The following IL6R variants were observed in gnomAD, a reference collection of about 807,000 sequenced individuals.
The protein encoded by IL6R is interleukin 6 receptor, also known as interleukin-6 receptor subunit alpha.
IL6R carries 38 observed loss-of-function variants against 48.3 expected under a neutral mutation model. That is an observed-to-expected ratio of 0.79 (90% confidence interval 0.61 to 1.03). The LOEUF (loss-of-function observed/expected upper bound fraction) is 1.03, where lower values mean the gene tolerates loss of function less well. Among genes scored for constraint, IL6R ranks in the 50% least tolerant of loss-of-function variants. The pLI is 0.00. For synonymous variants in IL6R, 264 were observed against 256.2 expected (o/e 1.03, Z -0.29); for missense variants, 534 against 618.3 (o/e 0.86, Z 1.45).
intron 8 of IL6R, among the ~76,000 whole-genome samples, chr1:154,452,367 A>G (rs564462311): frequency 6.6e-6 from 1 of 152,114 alleles, no homozygotes; most frequent in South Asian, 2.1e-4. Context: ...CCCCAGCCAC[A>G]CTGCCCTCCT....
chr1:154,428,447 GCCATGAATA>G (rs1330204075), intron 1 of IL6R, among the ~76,000 whole-genome samples: 2 of 152,208 alleles, frequency 1.3e-5, no homozygotes, highest in African/African-American at 4.8e-5. Context: ...CGGGCATTCT[GCCATGAATA>G]CCCTGCGATT....
intron 6 of IL6R, among the ~76,000 whole-genome samples, chr1:154,445,643 A>G (rs1351730823): frequency 2.6e-5 from 4 of 151,872 alleles, no homozygotes; most frequent in Admixed American, 6.6e-5. Flanking sequence ...CCAGCTACTC[A>G]GGAGGCTGAG....
intron 9 of IL6R, among the ~76,000 whole-genome samples, chr1:154,457,993 G>C (rs1012896384): frequency 7.0e-5 from 10 of 142,848 alleles, no homozygotes; most frequent in African/African-American, 2.7e-4. Flanking sequence ...TTGAGACGGA[G>C]TCTCGCTTTG....
At chr1:154,439,735 C>T (rs1308288468) in intron 6 of IL6R, among the ~76,000 whole-genome samples, 1 of 152,176 alleles carries the variant, frequency 6.6e-6, no homozygotes, top group Non-Finnish European at 1.5e-5. Context: ...ATCTGTTAAA[C>T]AGTAACTTTC....
chr1:154,410,086 T>A (rs779733612), intron 1 of IL6R, among the ~76,000 whole-genome samples: 55 of 152,104 alleles, frequency 3.6e-4, no homozygotes, highest in Non-Finnish European at 6.3e-4. Context: ...TGGGGACACA[T>A]GGATGCTCCC....
chr1:154,462,490 C>T (rs1196460871), intron 9 of IL6R, among the ~76,000 whole-genome samples: 4 of 151,806 alleles, frequency 2.6e-5, no homozygotes, highest in Non-Finnish European at 5.9e-5. Context: ...TCTCCTGCCT[C>T]GGTCTCCTGA....
intron 9 of IL6R, among the ~76,000 whole-genome samples, chr1:154,462,430 A>G (rs1228358467): frequency 1.3e-5 from 2 of 151,106 alleles, no homozygotes; most frequent in African/African-American, 2.4e-5. Context: ...CTGGAATGCA[A>G]TGGTGCGATC....
intron 1 of IL6R, among the ~76,000 whole-genome samples, chr1:154,420,441 C>A (rs946841671): frequency 2.0e-5 from 3 of 151,844 alleles, no homozygotes; most frequent in Admixed American, 6.6e-5. Flanking sequence ...GAACTCAGGT[C>A]ACCTGACAGC....
intron 9 of IL6R, 116 bp downstream of exon 9, chr1:154,454,697 T>C: frequency 4.0e-6 from 3 of 742,458 alleles, no homozygotes; most frequent in Non-Finnish European, 7.1e-6. Flanking sequence ...ATTCATCAAA[T>C]GAATGCACAC....
intron 1 of IL6R, chr1:154,414,718 T>C: frequency 1.2e-6 from 1 of 822,080 alleles, no homozygotes; most frequent in Non-Finnish European, 2.1e-6. Flanking sequence ...TAGGTATTGC[T>C]CCAGGGACAC....
At chr1:154,411,500 G>T (rs1688016847) in intron 1 of IL6R, among the ~76,000 whole-genome samples, 1 of 152,152 alleles carries the variant, frequency 6.6e-6, no homozygotes, top group Non-Finnish European at 1.5e-5. Context: ...AGTGGCTGAG[G>T]TCCCCCACAT....
chr1:154,426,535 A>AT (rs1233449002), intron 1 of IL6R, among the ~76,000 whole-genome samples: 1 of 146,852 alleles, frequency 6.8e-6, no homozygotes, highest in Non-Finnish European at 1.5e-5. Flanking sequence ...AAAAAAAAAA[A>AT]GAAAGAAAAG....
At position 154,466,204 on chromosome 1, in the gene IL6R, G is replaced by A. The variant is rs35013949; in HGVS notation, c.*824G>A. ...CCCCTGTAGAGTGGGAGCTGAGTGG[G>A]GGATCACAGCCTCTGAAAACCAATG... is the stretch of plus-strand genomic sequence containing the variant. On this transcript the variant is annotated 3_prime_UTR_variant, in exon 10 of 10. Coordinates refer to ENST00000368485, the MANE Select transcript of IL6R (RefSeq NM_000565.4). 1,191 of 152,478 alleles carry A rather than the reference G, an allele frequency of 7.8e-3. 7 individuals are homozygous for A. Among genetic ancestry groups the A allele is most frequent in the Non-Finnish European group, 0.012 (845 of 68,056 alleles). The allele number at this position is 152,478 out of a possible 1,614,324, so 9.4% of individuals were successfully genotyped here.
intron 1 of IL6R, among the ~76,000 whole-genome samples, chr1:154,408,086 G>A (rs1030626588): frequency 2.0e-5 from 3 of 152,120 alleles, no homozygotes; most frequent in Non-Finnish European, 4.4e-5. Context: ...TGTGTGTGCT[G>A]GGTGGGAGGG....
intron 4 of IL6R, 89 bp from the exon 5 acceptor site, chr1:154,434,901 G>T: frequency 1.4e-6 from 2 of 1,413,238 alleles, no homozygotes; most frequent in Non-Finnish European, 9.7e-7. Flanking sequence ...GGGGCTGGGT[G>T]GGGCCCTGCT....
intron 1 of IL6R, among the ~76,000 whole-genome samples, chr1:154,426,466 A>C (rs1688973781): frequency 6.6e-6 from 1 of 151,520 alleles, no homozygotes; most frequent in African/African-American, 2.4e-5. Flanking sequence ...GGATGCAGTG[A>C]GCCGAGATCG....
chr1:154,415,158 G>C, intron 1 of IL6R: 1 of 803,658 alleles, frequency 1.2e-6, no homozygotes, highest in East Asian at 2.7e-5. Flanking sequence ...CTGCAGGACA[G>C]GGCCCTAGGT....
intron 9 of IL6R, 98 bp downstream of exon 9, chr1:154,454,679 A>G: frequency 1.2e-6 from 1 of 819,372 alleles, no homozygotes; most frequent in Non-Finnish European, 2.1e-6. Flanking sequence ...TTATTCATTC[A>G]TTTATCCATT....
intron 4 of IL6R, 125 bp downstream of exon 4, chr1:154,434,825 G>A (rs1005809757): frequency 1.1e-5 from 13 of 1,201,092 alleles, no homozygotes; most frequent in Admixed American, 2.3e-5. Flanking sequence ...CCTTTTGGGC[G>A]TTGCTTGCCG....
Sources: gnomAD v4.1 joint callset for allele counts (sites outside exome capture counted in the v4.1 genomes callset) on GRCh38, gnomAD v4.1.1 for gene constraint, MANE v1.5 for transcripts, NCBI Gene and HGNC (gene_info 2026-07-23, HGNC 2026-07-21) for gene names.